The following SENP6 variants were observed in gnomAD, a reference collection of about 807,000 sequenced individuals.
SENP6 encodes the protein sentrin-specific protease 6.
In SENP6, 41 loss-of-function variants were observed where a neutral mutation model predicts 134.5. The observed-to-expected ratio is 0.30, with a 90% confidence interval of 0.24 to 0.40. The LOEUF (loss-of-function observed/expected upper bound fraction) is 0.40, where lower values mean the gene tolerates loss of function less well. SENP6 is among the 10% of genes least tolerant of loss of function. The pLI is 1.00. For synonymous variants in SENP6, 395 were observed against 429.8 expected, an observed-to-expected ratio of 0.92 and a Z score of 1.00; for missense variants, 1,248 against 1,312.5, an observed-to-expected ratio of 0.95 and a Z score of 0.76.
At chr6:75,712,127 A>G (rs977128925) in intron 21 of SENP6, among the ~76,000 whole-genome samples, 1 of 152,172 alleles carries the variant, frequency 6.6e-6, no homozygotes, top group African/African-American at 2.4e-5. Context: ...GACGTAAGAG[A>G]CATGTTCCAA....
At chr6:75,640,356 C>T (rs959336972) in intron 5 of SENP6, among the ~76,000 whole-genome samples, 2 of 152,138 alleles carry the variant, frequency 1.3e-5, no homozygotes, top group Non-Finnish European at 2.9e-5. Context: ...TTCAGGCACC[C>T]ATTGGGGGTC....
chr6:75,666,558 C>A (rs1470919912), intron 9 of SENP6, among the ~76,000 whole-genome samples, 154 bp from the exon 10 acceptor site: 3 of 151,536 alleles, frequency 2.0e-5, no homozygotes, highest in African/African-American at 7.3e-5. Context: ...TATCTTCATT[C>A]ATTTTTATTA....
Position 75,702,878 on chromosome 6 carries a change from C to T in SENP6, c.2522C>T (p.Pro841Leu). Residue 841 changes from proline to leucine, a missense_variant, in exon 19 of 24, where the codon CCT becomes CTT. By Grantham distance (98) the Pro-to-Leu change is moderately conservative. This residue lies in a region of SENP6 where 386 missense variants were observed against 395.0 expected (regional missense o/e 0.98). Coordinates refer to ENST00000447266, the MANE Select transcript of SENP6 (RefSeq NM_015571.4). ...KHCIAVIDSN[P>L]GQEESDPRYK... ...TGCATAGCTGTAATTGATTCCAATC[C>T]TGGGCAGGAAGAAAGTGACCCTCGT... The T allele has an allele frequency of 6.2e-7, 1 of 1,614,064 alleles. No homozygotes were observed. The highest frequency in any genetic ancestry group is 8.5e-7 in the Non-Finnish European group (1 of 1,179,998).
intron 1 of SENP6, among the ~76,000 whole-genome samples, chr6:75,613,304 A>G (rs1280546914): frequency 6.6e-6 from 1 of 152,162 alleles, no homozygotes; most frequent in Non-Finnish European, 1.5e-5. Flanking sequence ...ATAAAGTTTT[A>G]TTGCAACACA....
chr6:75,694,316 A>G (rs1299428984), intron 16 of SENP6, among the ~76,000 whole-genome samples: 2 of 152,208 alleles, frequency 1.3e-5, no homozygotes, highest in Non-Finnish European at 2.9e-5. Flanking sequence ...TTACCACCTC[A>G]CCACTGTACA....
At chr6:75,634,986 GAGT>G (rs1180181454) in intron 5 of SENP6, 175 bp downstream of exon 5, 1 of 670,970 alleles carries the variant, frequency 1.5e-6, no homozygotes, top group Non-Finnish European at 2.7e-6. Context: ...ATCTGCTTTT[GAGT>G]AATCAGATTC....
In SENP6 at chr6:75,675,515, A is replaced by G. The variant is rs183854367; in HGVS notation, c.1426+47A>G. ...TACTTACCAAAGCTTTCTTTACACC[A>G]AAGCACTTTACAGGAATAAAAGATT... is the stretch of plus-strand genomic sequence containing the variant. On this transcript the variant is annotated intron_variant, in intron 12 of 23. Transcript: ENST00000447266. 5.0e-5 allele frequency: 58 copies of G among 1,157,862 alleles called. No individual in the cohort carries two copies. In the East Asian group the frequency reaches 1.2e-3, roughly 24 times the overall value. 71.7% of individuals were successfully genotyped at this position (1,157,862 alleles called of 1,614,324 possible). A position where few individuals can be genotyped will look rare whatever the true frequency, so the allele number is the denominator to read the frequency against.
At chr6:75,632,317 C>T (rs1373385661) in intron 3 of SENP6, among the ~76,000 whole-genome samples, 1 of 152,060 alleles carries the variant, frequency 6.6e-6, no homozygotes, top group East Asian at 1.9e-4. Flanking sequence ...GCAAAACCAT[C>T]GATAAAGGGG....
chr6:75,613,765 A>T (rs1767640569), intron 1 of SENP6, among the ~76,000 whole-genome samples: 1 of 152,124 alleles, frequency 6.6e-6, no homozygotes, highest in South Asian at 2.1e-4. Context: ...GGAAATATAC[A>T]TTCTCTTAAG....
At chr6:75,650,296 C>G (rs900079401) in intron 7 of SENP6, among the ~76,000 whole-genome samples, 1 of 152,116 alleles carries the variant, frequency 6.6e-6, no homozygotes, top group Non-Finnish European at 1.5e-5. Context: ...TTAAGATACT[C>G]TCTGCTGGGT....
chr6:75,649,417 T>A (rs1198036061), intron 7 of SENP6, among the ~76,000 whole-genome samples: 2 of 152,198 alleles, frequency 1.3e-5, no homozygotes, highest in African/African-American at 4.8e-5. Context: ...ATTTTTAAAG[T>A]TTATTCAACA....
At position 75,615,047 on chromosome 6, in the gene SENP6, C is replaced by T. The variant is rs1315981520; in HGVS notation, c.53-6485C>T. ...CTGGGATTACAAGCATGCACCACCA[C>T]ACCCAGCTCATTTTTGTATTTTTAG... On this transcript the variant is annotated intron_variant, in intron 1 of 23. Transcript: ENST00000447266. 2.0e-5 allele frequency among the ~76,000 whole-genome samples: 3 copies of T among 152,158 alleles called. 1 individual carries two copies. The highest frequency in any genetic ancestry group is 7.2e-5 in the African/African-American group (3 of 41,418).
At chr6:75,622,941 A>C in intron 2 of SENP6, 3 of 589,594 alleles carry the variant, frequency 5.1e-6, no homozygotes, top group Non-Finnish European at 7.4e-6. Context: ...TTTAAAATAT[A>C]AAACAATTAT....
intron 8 of SENP6, 28 bp downstream of exon 8, chr6:75,659,435 T>C (rs1477928788): frequency 3.8e-6 from 6 of 1,560,290 alleles, no homozygotes; most frequent in Non-Finnish European, 5.3e-6. Flanking sequence ...TCTTTGTTGC[T>C]AATCAGATTG....
intron 11 of SENP6, among the ~76,000 whole-genome samples, chr6:75,672,252 C>T (rs1772737349): frequency 6.6e-6 from 1 of 152,082 alleles, no homozygotes; most frequent in African/African-American, 2.4e-5. Context: ...TATAACTCTT[C>T]AGTGTGATGA....
At chr6:75,706,738 TCA>T (rs1410110322) in intron 19 of SENP6, among the ~76,000 whole-genome samples, 1 of 152,200 alleles carries the variant, frequency 6.6e-6, no homozygotes, top group Non-Finnish European at 1.5e-5. Context: ...TCACAAAAAA[TCA>T]CATACAGTGA....
At chr6:75,699,155 T>G (rs996253622) in intron 18 of SENP6, among the ~76,000 whole-genome samples, 3 of 152,150 alleles carry the variant, frequency 2.0e-5, no homozygotes, top group African/African-American at 7.2e-5. Context: ...ATAAAAATTT[T>G]AAATAGAAAT....
intron 16 of SENP6, among the ~76,000 whole-genome samples, chr6:75,691,964 C>T (rs1384294199): frequency 3.3e-5 from 5 of 152,132 alleles, no homozygotes; most frequent in Non-Finnish European, 7.4e-5. Context: ...TCAAGCTATT[C>T]TCCTGCCTCA....
Position 75,667,049 on chromosome 6 carries a change from T to C in SENP6, c.1224+108T>C, listed in dbSNP as rs946849922. 31 of 590,202 alleles carry C rather than the reference T, an allele frequency of 5.3e-5. No homozygotes were observed. The East Asian group carries it at 8.7e-4, about 17-fold the overall frequency. The allele number at this position is 590,202 out of a possible 1,614,324, so 36.6% of individuals were successfully genotyped here. ...GTGCCAAGAAAAAATGATGGATTAT[T>C]AAGTGGGGCTTAAATACCACATGGG... is the stretch of plus-strand genomic sequence containing the variant. On this transcript the variant is annotated intron_variant, in intron 10 of 23. Coordinates refer to ENST00000447266, the MANE Select transcript of SENP6 (RefSeq NM_015571.4).
Sources: gnomAD v4.1 joint callset for allele counts (sites outside exome capture counted in the v4.1 genomes callset) on GRCh38, gnomAD v4.1.1 for gene constraint, gnomAD v4.1.1 regional missense constraint, MANE v1.5 for transcripts, NCBI Gene and HGNC (gene_info 2026-07-23, HGNC 2026-07-21) for gene names.